ALPK3: variants seen among roughly 807,000 people sequenced by gnomAD.
ALPK3 encodes alpha-protein kinase 3.
In ALPK3, 102 loss-of-function variants were observed where a neutral mutation model predicts 140.0. The observed-to-expected ratio is 0.73, with a 90% CI of 0.62 to 0.86. The LOEUF is 0.86. Among genes scored for constraint, ALPK3 ranks in the 40% least tolerant of loss-of-function variants. The pLI, the probability that ALPK3 is intolerant of heterozygous loss-of-function variation, is 0.00. For missense variants in ALPK3, 2,254 were observed against 2,208.2 expected (o/e 1.02, Z -0.42); for synonymous variants, 938 against 898.5 (o/e 1.04, Z -0.79).
At chr15:84,847,210 A>G (rs1389621177) in intron 5 of ALPK3, among the ~76,000 whole-genome samples, 2 of 17,032 alleles carry the variant, frequency 1.2e-4, no homozygotes, top group East Asian at 4.3e-3. Context: ...AGAAACGGGG[A>G]GAGAGAGAGA....
chr15:84,861,120 C>T (rs953854195), intron 9 of ALPK3, among the ~76,000 whole-genome samples: 1 of 152,194 alleles, frequency 6.6e-6, no homozygotes, highest in African/African-American at 2.4e-5. Flanking sequence ...GTCTCATATG[C>T]GTTGGTTTAT....
intron 8 of ALPK3, 41 bp downstream of exon 8, chr15:84,859,944 C>G (rs376052059): frequency 6.2e-7 from 1 of 1,613,832 alleles, no homozygotes; most frequent in Non-Finnish European, 8.5e-7. Context: ...CCTGGCCTGG[C>G]TCCTGGTGGG....
chr15:84,822,454 G>C (rs935782748), intron 1 of ALPK3, among the ~76,000 whole-genome samples: 3 of 152,160 alleles, frequency 2.0e-5, no homozygotes, highest in African/African-American at 4.8e-5. Flanking sequence ...GAACAGGCTG[G>C]GCTGCTGGGA....
At chr15:84,829,106 C>G (rs994786082) in intron 3 of ALPK3, among the ~76,000 whole-genome samples, 3 of 152,200 alleles carry the variant, frequency 2.0e-5, no homozygotes, top group Admixed American at 6.5e-5. Context: ...CAGTTCACCC[C>G]TCTCAATTTG....
rs980330574 is a variant in ALPK3 at position 84,857,893 on chromosome 15, G to A, written c.3155G>A (p.Arg1052His). 6 of 1,611,994 alleles carry A rather than the reference G, an allele frequency of 3.7e-6. No individual in the cohort carries two copies. Among genetic ancestry groups the A allele is most frequent in the Non-Finnish European group, 3.4e-6 (4 of 1,179,420 alleles). The change falls in exon 6 of 14, where the codon CGC (arginine) becomes CAC (histidine). Residue 1052 changes from arginine (R) to histidine (H), a missense_variant. By Grantham distance (29) the Arg-to-His change is conservative (BLOSUM62 0). Around this residue, in one of 3 missense-constraint regions of ALPK3, gnomAD observed 2,088 missense variants for 2,022.9 expected, o/e 1.03. Coordinates refer to ENST00000258888, the MANE Select transcript of ALPK3 (RefSeq NM_020778.5). The part of the protein sequence containing the change: ...GLLDREVQAG[R>H]QALAAARGSW... ...CTGGACCGTGAGGTGCAGGCTGGCC[G>A]CCAGGCCCTTGCTGCTGCCCGAGGC...
intron 5 of ALPK3, among the ~76,000 whole-genome samples, chr15:84,851,021 C>T (rs1963797732): frequency 6.6e-6 from 1 of 152,088 alleles, no homozygotes; most frequent in South Asian, 2.1e-4. Context: ...CAGGCCTGTA[C>T]TGGGCCCTCT....
chr15:84,869,476 T>TC lies in ALPK3; in HGVS notation c.*1024dup, dbSNP rs1301765861. ...ACCAGGAGTGGAGGGCTAGGTCCCT[T>TC]CCCCATGGGGAGTACACTTGGGTGT... On this transcript the variant is annotated 3_prime_UTR_variant, in exon 14 of 14. Coordinates refer to ENST00000258888, the MANE Select transcript of ALPK3 (RefSeq NM_020778.5). The TC allele has an allele frequency of 6.6e-6, 1 of 152,220 alleles. No homozygotes were observed. Among genetic ancestry groups the TC allele is most frequent in the African/African-American group, 2.4e-5 (1 of 41,426 alleles). The allele number at this position is 152,220 out of a possible 1,614,324, so 9.4% of individuals were successfully genotyped here.
rs1235387258 is a variant in ALPK3, at chr15:84,860,036, G to A, written c.4094-1G>A. 6.2e-7 allele frequency: 1 copy of A among 1,614,034 alleles called. No homozygotes were observed. The highest frequency in any genetic ancestry group is 1.7e-5 in the Admixed American group (1 of 59,998). On this transcript the variant is annotated splice_acceptor_variant, in intron 8 of 13. Coordinates refer to ENST00000258888, the MANE Select transcript of ALPK3 (RefSeq NM_020778.5). LOFTEE classifies it high-confidence loss of function. ...CTGCTTTCTTCTTTTTCTGTATCTA[G>A]TGTTGTCAGGATTCATCTCCAGAGA...
chr15:84,859,158 C>A (rs1963906665), intron 6 of ALPK3, 85 bp from the exon 7 acceptor site: 1 of 1,562,610 alleles, frequency 6.4e-7, no homozygotes, highest in African/African-American at 1.4e-5. Context: ...TTTCTCCCAG[C>A]CTTTTCCACC....
chr15:84,833,133 C>T (rs535748973), intron 3 of ALPK3, among the ~76,000 whole-genome samples: 1 of 152,336 alleles, frequency 6.6e-6, no homozygotes, highest in East Asian at 1.9e-4. Context: ...AACCTACCTA[C>T]TGTGTATATC....
chr15:84,827,639 C>A, intron 3 of ALPK3, 34 bp downstream of exon 3: 5 of 1,612,434 alleles, frequency 3.1e-6, no homozygotes, highest in Non-Finnish European at 4.2e-6. Flanking sequence ...CATGCCAGGG[C>A]CTCTGCACAG....
chr15:84,842,097 G>A lies in ALPK3; in HGVS notation c.1653+1165G>A, dbSNP rs547538222. Among the ~76,000 whole-genome samples the A allele has an allele frequency of 1.1e-4, 16 of 152,308 alleles. No individual in the cohort carries two copies. The South Asian group carries it at 2.5e-3, about 24-fold the overall frequency. ...AGGCTGGAGTGCAGTACAGTGGTGC[G>A]ATCTCAGCTCACTGCAGCCTCCGGC... is the stretch of plus-strand genomic sequence containing the variant. On this transcript the variant is annotated intron_variant, in intron 5 of 13. Coordinates refer to ENST00000258888, the MANE Select transcript of ALPK3 (RefSeq NM_020778.5).
chr15:84,842,572 A>C (rs1240977286), intron 5 of ALPK3, among the ~76,000 whole-genome samples: 1 of 152,192 alleles, frequency 6.6e-6, no homozygotes, highest in African/African-American at 2.4e-5. Flanking sequence ...GGCAGAGGGC[A>C]AAGGGGAAAG....
chr15:84,859,206 A>T (rs1963907719), intron 6 of ALPK3, 37 bp from the exon 7 acceptor site: 1 of 1,612,294 alleles, frequency 6.2e-7, no homozygotes, highest in Non-Finnish European at 8.5e-7. Flanking sequence ...GCCAGAGGAG[A>T]GGTGGTGTTC....
intron 3 of ALPK3, among the ~76,000 whole-genome samples, chr15:84,836,445 C>A (rs1385909254): frequency 6.6e-6 from 1 of 152,108 alleles, no homozygotes; most frequent in African/African-American, 2.4e-5. Context: ...GGAATGTGGA[C>A]CAGGCTGTTG....
intron 2 of ALPK3, among the ~76,000 whole-genome samples, chr15:84,823,684 A>G (rs1422171301): frequency 6.6e-6 from 1 of 152,154 alleles, no homozygotes; most frequent in African/African-American, 2.4e-5. Context: ...GAGAGCCATG[A>G]GTCATGTCAC....
chr15:84,863,104 G>A (rs1370655120), intron 10 of ALPK3, among the ~76,000 whole-genome samples, 189 bp downstream of exon 10: 1 of 152,136 alleles, frequency 6.6e-6, no homozygotes, highest in Non-Finnish European at 1.5e-5. Flanking sequence ...GCCTCAGAGA[G>A]CTTGAGAGCT....
At position 84,868,253 on chromosome 15, in the gene ALPK3, G is replaced by C. The variant is rs773881733; in HGVS notation, c.4915G>C (p.Gly1639Arg). ...EAAHPQAKAKGSKSPSAGRKG... is the reference protein window; with the variant it reads ...EAAHPQAKAKRSKSPSAGRKG... ...GGCCCACCCCCAAGCCAAAGCCAAA[G>C]GCTCTAAGAGTCCATCTGCTGGCAG... The change falls in exon 14 of 14, where the codon GGC (glycine) becomes CGC (arginine). Residue 1639 changes from glycine (G) to arginine (R), a missense_variant. Transcript: ENST00000258888. 6.2e-7 allele frequency: 1 copy of C among 1,614,182 alleles called. No individual in the cohort carries two copies. The highest frequency in any genetic ancestry group is 8.5e-7 in the Non-Finnish European group (1 of 1,180,012).
At chr15:84,837,489 C>G (rs981690356) in intron 3 of ALPK3, among the ~76,000 whole-genome samples, 4 of 152,230 alleles carry the variant, frequency 2.6e-5, no homozygotes, top group African/African-American at 9.6e-5. Context: ...CTCACCTTTT[C>G]TATCACACAG....
Sources: gnomAD v4.1 joint callset for allele counts (sites outside exome capture counted in the v4.1 genomes callset) on GRCh38, gnomAD v4.1.1 for gene constraint, gnomAD v4.1.1 regional missense constraint, MANE v1.5 for transcripts, NCBI Gene and HGNC (gene_info 2026-07-23, HGNC 2026-07-21) for gene names.